The following DLGAP3 variants were observed in gnomAD, a reference collection of about 807,000 sequenced individuals.
DLGAP3 encodes the protein disks large-associated protein 3.
In DLGAP3, 17 loss-of-function variants were observed where a neutral mutation model predicts 81.2. The observed-to-expected ratio is 0.21, with a 90% confidence interval of 0.14 to 0.31. The LOEUF (loss-of-function observed/expected upper bound fraction) is 0.31, where lower values mean the gene tolerates loss of function less well. Among genes scored for constraint, DLGAP3 ranks in the 10% least tolerant of loss-of-function variants. The pLI is 1.00. For synonymous variants in DLGAP3, 577 were observed against 587.4 expected, an observed-to-expected ratio of 0.98 and a Z score of 0.26; for missense variants, 1,124 against 1,388.0, an observed-to-expected ratio of 0.81 and a Z score of 3.02.
intron 8 of DLGAP3, among the ~76,000 whole-genome samples, chr1:34,880,242 TC>T (rs1478068745): frequency 6.6e-6 from 1 of 152,064 alleles, no homozygotes; most frequent in African/African-American, 2.4e-5. Flanking sequence ...TTTGTAGAGA[TC>T]AGGTCTCACT....
At chr1:34,871,283 C>T (rs1022819659) in intron 8 of DLGAP3, among the ~76,000 whole-genome samples, 19 of 152,312 alleles carry the variant, frequency 1.2e-4, no homozygotes, top group African/African-American at 3.8e-4. Flanking sequence ...TTCCTTGAAT[C>T]GACTATAAGC....
chr1:34,889,382 A>G lies in DLGAP3; in HGVS notation c.1387-3097T>C, dbSNP rs535084731. 3.9e-5 allele frequency among the ~76,000 whole-genome samples: 6 copies of G among 152,278 alleles called. No individual in the cohort carries two copies. In the East Asian group the frequency reaches 9.6e-4, roughly 24 times the overall value. ...TCAGAGAAATATTACACCCATGTTG[A>G]TCTTTACTATCCTACAGTTATAAAA... On this transcript the variant is annotated intron_variant, in intron 5 of 11. Coordinates refer to ENST00000373347, the MANE Select transcript of DLGAP3 (RefSeq NM_001080418.3).
chr1:34,893,242 T>C (rs530165115), intron 5 of DLGAP3, among the ~76,000 whole-genome samples: 25 of 150,880 alleles, frequency 1.7e-4, no homozygotes, highest in African/African-American at 5.6e-4. Context: ...TTCTAAGTGC[T>C]GAAAGAAAAA....
At chr1:34,888,307 A>T (rs1569621710) in intron 5 of DLGAP3, among the ~76,000 whole-genome samples, 1 of 152,342 alleles carries the variant, frequency 6.6e-6, no homozygotes, top group African/African-American at 2.4e-5. Context: ...ACTAATGGGC[A>T]AACAAGACCC....
Position 34,868,692 on chromosome 1 carries a change from T to G in DLGAP3, c.2398A>C (p.Lys800Gln). Residue 800 changes from lysine to glutamine, a missense_variant, in exon 9 of 12, where the codon AAG (lysine) becomes CAG (glutamine). Lys to Gln is a moderately conservative substitution (Grantham distance 53, BLOSUM62 1). This residue lies in a region of DLGAP3 where 379 missense variants were observed against 455.7 expected (regional missense o/e 0.83). Transcript: ENST00000373347. The surrounding 1 kb of genome is among the most constrained non-coding windows in gnomAD (Gnocchi z 7.5). ...TTCTCCACCTCTGCCCGCAGCATCTTGATGAACCACTCGCCGTCGCGTGGG... is the reference window on the plus strand; with the variant it reads ...TTCTCCACCTCTGCCCGCAGCATCTGGATGAACCACTCGCCGTCGCGTGGG... ...PCPRDGEWFI[K>Q]MLRAEVEKLE... 6.2e-7 allele frequency: 1 copy of G among 1,612,178 alleles called. No homozygotes were observed. Among genetic ancestry groups the G allele is most frequent in the Non-Finnish European group, 8.5e-7 (1 of 1,179,992 alleles).
chr1:34,918,331 C>A (rs566861775), intron 1 of DLGAP3, among the ~76,000 whole-genome samples: 8 of 152,338 alleles, frequency 5.3e-5, no homozygotes, highest in Non-Finnish European at 7.3e-5. Context: ...GGATGGCAAG[C>A]AGGACCCTTA....
chr1:34,868,825 C>G lies in DLGAP3; in HGVS notation c.2265G>C (p.Ser755=). Residue 755 remains serine, a synonymous_variant, in exon 9 of 12, where the codon TCG becomes TCC. Coordinates refer to ENST00000373347, the MANE Select transcript of DLGAP3 (RefSeq NM_001080418.3). The surrounding 1 kb of genome is among the most constrained non-coding windows in gnomAD (Gnocchi z 7.5). ...LPYEPPATDG[S]PGPAPAPTPG... Reference sequence around the variant, plus strand: ...GGGTGGGGGCGGGGGCAGGGCCGGGCGACCCATCGGTGGCCGGCGGCTCGT... The same window carrying G: ...GGGTGGGGGCGGGGGCAGGGCCGGGGGACCCATCGGTGGCCGGCGGCTCGT... 1.3e-6 allele frequency: 2 copies of G among 1,579,710 alleles called. No homozygotes were observed. Among genetic ancestry groups the G allele is most frequent in the Non-Finnish European group, 1.7e-6 (2 of 1,168,152 alleles).
In DLGAP3 at chr1:34,920,522, C is replaced by T. The variant is rs572259797; in HGVS notation, c.-135+8929G>A. Among the ~76,000 whole-genome samples the T allele has an allele frequency of 2.0e-5, 3 of 152,274 alleles. No individual in the cohort carries two copies. The East Asian group carries it at 5.8e-4, about 29-fold the overall frequency. On this transcript the variant is annotated intron_variant, in intron 1 of 11. Coordinates refer to ENST00000373347, the MANE Select transcript of DLGAP3 (RefSeq NM_001080418.3). ...ACAGCAGATGTGATTAAAGTACAAG[C>T]ACATGCATGTACATTTGTGCATGCA...
rs371261986 is a variant in DLGAP3 at position 34,927,542 on chromosome 1, G to T, written c.-135+1909C>A. Among the ~76,000 whole-genome samples the T allele has an allele frequency of 3.2e-3, 480 of 152,282 alleles. 2 individuals carry two copies. The highest frequency in any genetic ancestry group is 0.011 in the African/African-American group (441 of 41,548). On this transcript the variant is annotated intron_variant, in intron 1 of 11. Transcript: ENST00000373347. Reference sequence around the variant, plus strand: ...CCTGCCAGATCAGTGGGGCAGTGGCGGGTGGGAGATGCGGGGGCTGTATGT... The same window carrying T: ...CCTGCCAGATCAGTGGGGCAGTGGCTGGTGGGAGATGCGGGGGCTGTATGT...
chr1:34,867,392 G>A lies in DLGAP3; in HGVS notation c.2577+144C>T, dbSNP rs1306060695. 1 of 1,043,424 alleles carries A rather than the reference G, an allele frequency of 9.6e-7. No individual in the cohort carries two copies. Among genetic ancestry groups the A allele is most frequent in the Non-Finnish European group, 1.5e-6 (1 of 666,694 alleles). 64.6% of individuals were successfully genotyped at this position (1,043,424 alleles called of 1,614,324 possible). On this transcript the variant is annotated intron_variant, in intron 10 of 11. Coordinates refer to ENST00000373347, the MANE Select transcript of DLGAP3 (RefSeq NM_001080418.3). The surrounding 1 kb of genome is among the most constrained non-coding windows in gnomAD (Gnocchi z 4.3). Reference sequence around the variant, plus strand: ...CACCTGGTCCTACCTCCAGGCACAAGACTCACAGCTACCCCAGAAGGCATG... The same window carrying A: ...CACCTGGTCCTACCTCCAGGCACAAAACTCACAGCTACCCCAGAAGGCATG...
rs1053680693 is a variant in DLGAP3, at chr1:34,866,950, C to T, written c.2721+98G>A. 7.8e-5 allele frequency: 110 copies of T among 1,403,198 alleles called. No individual in the cohort carries two copies. In the Admixed American group the frequency reaches 1.6e-3, roughly 21 times the overall value. 86.9% of individuals were successfully genotyped at this position (1,403,198 alleles called of 1,614,324 possible). On this transcript the variant is annotated intron_variant, in intron 11 of 11. Transcript: ENST00000373347. ...AAGGCTGCCCTTGCTGCCCATGGAT[C>T]CCTTCCCCTGCCCCCTTGTTCGTCC...
chr1:34,872,527 G>A (rs1188061364), intron 8 of DLGAP3, among the ~76,000 whole-genome samples: 1 of 152,158 alleles, frequency 6.6e-6, no homozygotes, highest in Non-Finnish European at 1.5e-5. Context: ...AGCCACCAAA[G>A]GAATCCACAT....
intron 1 of DLGAP3, among the ~76,000 whole-genome samples, chr1:34,910,554 G>C (rs1639624871): frequency 6.6e-6 from 1 of 152,136 alleles, no homozygotes; most frequent in African/African-American, 2.4e-5. Context: ...TGCTTTCTCT[G>C]CGGCAGCCAG....
chr1:34,911,030 C>CCCA (rs1639632874), intron 1 of DLGAP3, among the ~76,000 whole-genome samples: 1 of 150,644 alleles, frequency 6.6e-6, no homozygotes, highest in Non-Finnish European at 1.5e-5. Context: ...CCACCCCCCC[C>CCCA]CCACCACCTT....
intron 8 of DLGAP3, among the ~76,000 whole-genome samples, chr1:34,882,062 A>G (rs1259687263): frequency 6.6e-6 from 1 of 152,242 alleles, no homozygotes; most frequent in Non-Finnish European, 1.5e-5. Flanking sequence ...CATTCACAGA[A>G]AAATAACTGA....
intron 1 of DLGAP3, among the ~76,000 whole-genome samples, chr1:34,924,057 TC>T (rs2148421871): frequency 6.6e-6 from 1 of 152,210 alleles, no homozygotes; most frequent in South Asian, 2.1e-4. Flanking sequence ...CATCTGCATG[TC>T]CTGACATTTG....
chr1:34,904,136 T>C lies in DLGAP3; in HGVS notation c.1107+141A>G. 1 of 1,010,794 alleles carries C rather than the reference T, an allele frequency of 9.9e-7. No individual in the cohort carries two copies. Among genetic ancestry groups the C allele is most frequent in the Non-Finnish European group, 1.5e-6 (1 of 654,796 alleles). 62.6% of individuals were successfully genotyped at this position (1,010,794 alleles called of 1,614,324 possible). On this transcript the variant is annotated intron_variant, in intron 3 of 11. Transcript: ENST00000373347. This position sits in a 1 kb window ranked among gnomAD's most constrained non-coding sequence, Gnocchi z 8.1. ...CCCAAAGGAGCTCAGAGTGACCCAA[T>C]GGGGCAGGGCAGAGCCTCCCTACAC... is the stretch of plus-strand genomic sequence containing the variant.
In DLGAP3 at chr1:34,866,309, G is replaced by A. The variant is rs1001638853; in HGVS notation, c.2722-8C>T. ...AGGGACCTTCTTCTCCTCCTGCGGG[G>A]CAGAGGGCGTCGCTGAGCTGGGGCG... On this transcript the variant is annotated splice_polypyrimidine_tract_variant and splice_region_variant and intron_variant, in intron 11 of 11. Transcript: ENST00000373347. 6 of 1,511,066 alleles carry A rather than the reference G, an allele frequency of 4.0e-6. No individual in the cohort carries two copies. Among genetic ancestry groups the A allele is most frequent in the African/African-American group, 1.4e-5 (1 of 71,960 alleles). The allele number at this position is 1,511,066 out of a possible 1,614,324, so 93.6% of individuals were successfully genotyped here.
In DLGAP3 at chr1:34,885,754, C is replaced by T; in HGVS notation, c.1638G>A (p.Pro546=). 1 of 1,414,512 alleles carries T rather than the reference C, an allele frequency of 7.1e-7. No individual in the cohort carries two copies. Among genetic ancestry groups the T allele is most frequent in the Non-Finnish European group, 9.2e-7 (1 of 1,092,608 alleles). 87.6% of individuals were successfully genotyped at this position (1,414,512 alleles called of 1,614,324 possible). The part of the protein sequence containing the change: ...NFRKAPPPIP[P]GSQAPPRISI... Reference sequence around the variant, plus strand: ...AGATGCGGGGCGGGGCCTGGCTTCCCGGCGGGATGGGGGGCGGGGCCTTTC... The same window carrying T: ...AGATGCGGGGCGGGGCCTGGCTTCCTGGCGGGATGGGGGGCGGGGCCTTTC... The change falls in exon 7 of 12, where the codon CCG becomes CCA. Residue 546 remains proline (P), a synonymous_variant. Coordinates refer to ENST00000373347, the MANE Select transcript of DLGAP3 (RefSeq NM_001080418.3).
Sources: gnomAD v4.1 joint callset for allele counts (sites outside exome capture counted in the v4.1 genomes callset) on GRCh38, gnomAD v4.1.1 for gene constraint, gnomAD v4.1.1 regional missense constraint, Gnocchi (gnomAD v3.1) non-coding constraint, MANE v1.5 for transcripts, NCBI Gene and HGNC (gene_info 2026-07-23, HGNC 2026-07-21) for gene names.